The following ACSS3 variants were observed in gnomAD, a reference collection of about 807,000 sequenced individuals.
ACSS3 encodes acyl-CoA synthetase short chain family member 3.
In ACSS3, 64 loss-of-function variants were observed where a neutral mutation model predicts 84.2. That is an observed-to-expected ratio of 0.76 (90% CI 0.62 to 0.94). The LOEUF (loss-of-function observed/expected upper bound fraction) is 0.94, where lower values mean the gene tolerates loss of function less well. Among genes scored for constraint, ACSS3 ranks in the 40% least tolerant of loss-of-function variants. The probability of loss-of-function intolerance (pLI) is 0.00; values close to 1 mark genes in which losing one functional copy is unlikely to be tolerated. For missense variants in ACSS3, 815 were observed against 867.6 expected, an observed-to-expected ratio of 0.94 and a Z score of 0.76; for synonymous variants, 317 against 310.1, an observed-to-expected ratio of 1.02 and a Z score of -0.23.
chr12:81,253,789 A>G, intron 15 of ACSS3, 119 bp downstream of exon 15: 3 of 977,628 alleles, frequency 3.1e-6, no homozygotes, highest in Admixed American at 5.2e-5. Flanking sequence ...AAAACACATA[A>G]TAGTACTATT....
intron 2 of ACSS3, among the ~76,000 whole-genome samples, chr12:81,117,461 C>T (rs1241163527): frequency 6.6e-6 from 1 of 152,002 alleles, no homozygotes; most frequent in African/African-American, 2.4e-5. Context: ...TGAGCATAGA[C>T]TGAAATAAAG....
chr12:81,102,762 G>C (rs1202864765), intron 1 of ACSS3, among the ~76,000 whole-genome samples: 2 of 151,810 alleles, frequency 1.3e-5, no homozygotes, highest in Non-Finnish European at 2.9e-5. Flanking sequence ...CTGGGAGACG[G>C]AGGTTGCAGT....
chr12:81,174,970 T>C (rs1290087368), intron 8 of ACSS3, 31 bp downstream of exon 8: 3 of 1,601,832 alleles, frequency 1.9e-6, no homozygotes, highest in East Asian at 2.2e-5. Flanking sequence ...GCAAATGACA[T>C]TAGAAAGTGC....
At position 81,231,132 on chromosome 12, in the gene ACSS3, A is replaced by T; in HGVS notation, c.1590A>T (p.Lys530Asn). The T allele has an allele frequency of 6.2e-7, 1 of 1,606,750 alleles. No homozygotes were observed. Among genetic ancestry groups the T allele is most frequent in the Non-Finnish European group, 8.5e-7 (1 of 1,175,822 alleles). Residue 530 changes from lysine (K) to asparagine (N), a missense_variant, in exon 12 of 16, where the codon AAA (lysine) becomes AAT (asparagine). Coordinates refer to ENST00000548058, the MANE Select transcript of ACSS3 (RefSeq NM_024560.4). Reference sequence around the variant, plus strand: ...CATTCAAGCATTTATACTTTGAAAAATTTCCTGTAAGAACTTTAATATGCT... The same window carrying T: ...CATTCAAGCATTTATACTTTGAAAATTTTCCTGTAAGAACTTTAATATGCT... ...QEAFKHLYFE[K>N]FPGYYDTMDA...
At chr12:81,245,465 AAAAC>A (rs986915774) in intron 13 of ACSS3, among the ~76,000 whole-genome samples, 4 of 152,206 alleles carry the variant, frequency 2.6e-5, no homozygotes, top group Non-Finnish European at 4.4e-5. Context: ...CTGTCTCAAA[AAAAC>A]AAACAAACAA....
chr12:81,093,707 A>G (rs1450133217), intron 1 of ACSS3, among the ~76,000 whole-genome samples: 2 of 152,066 alleles, frequency 1.3e-5, no homozygotes, highest in African/African-American at 2.4e-5. Flanking sequence ...ATAACATCTT[A>G]CATAACTATA....
intron 7 of ACSS3, among the ~76,000 whole-genome samples, chr12:81,169,780 A>T (rs1283857772): frequency 1.3e-5 from 2 of 152,148 alleles, no homozygotes; most frequent in East Asian, 1.9e-4. Context: ...AAGACACATG[A>T]CCTATAGTAG....
chr12:81,244,584 T>G (rs2033920578), intron 13 of ACSS3, among the ~76,000 whole-genome samples: 1 of 152,178 alleles, frequency 6.6e-6, no homozygotes. Context: ...TCTTTGATTT[T>G]TGGTTTTGGA....
chr12:81,220,584 T>A (rs1290919937), intron 11 of ACSS3, among the ~76,000 whole-genome samples: 1 of 152,006 alleles, frequency 6.6e-6, no homozygotes, highest in Non-Finnish European at 1.5e-5. Context: ...TTTCAACCCT[T>A]GCCTCCCTCC....
At chr12:81,105,891 A>AG (rs1282138232) in intron 1 of ACSS3, among the ~76,000 whole-genome samples, 1 of 152,238 alleles carries the variant, frequency 6.6e-6, no homozygotes, top group Non-Finnish European at 1.5e-5. Context: ...AAACATACAC[A>AG]GGTACACAGG....
intron 7 of ACSS3, 118 bp from the exon 8 acceptor site, chr12:81,174,670 T>C: frequency 9.2e-7 from 1 of 1,090,814 alleles, no homozygotes; most frequent in Non-Finnish European, 1.3e-6. Context: ...ATTTTAAAAC[T>C]AAGATTTGTT....
intron 1 of ACSS3, among the ~76,000 whole-genome samples, chr12:81,088,204 G>C (rs747581497): frequency 6.6e-6 from 1 of 152,050 alleles, no homozygotes; most frequent in Non-Finnish European, 1.5e-5. Flanking sequence ...AAGCAGTTTG[G>C]ATTGCTAAGC....
intron 11 of ACSS3, among the ~76,000 whole-genome samples, chr12:81,220,601 C>A (rs912872120): frequency 3.9e-5 from 6 of 151,966 alleles, no homozygotes; most frequent in African/African-American, 1.4e-4. Flanking sequence ...CTCCCTCACA[C>A]CTTTTGGACT....
chr12:81,181,515 CA>C (rs2030919474), intron 8 of ACSS3, among the ~76,000 whole-genome samples: 1 of 152,158 alleles, frequency 6.6e-6, no homozygotes, highest in Admixed American at 6.5e-5. Flanking sequence ...ACCAAGGGAA[CA>C]TGAGAATTTC....
At chr12:81,151,807 T>A (rs1260209699) in intron 5 of ACSS3, 37 bp from the exon 6 acceptor site, 1 of 1,576,316 alleles carries the variant, frequency 6.3e-7, no homozygotes, top group Admixed American at 1.7e-5. Flanking sequence ...TTTTACACAT[T>A]GTTTATTGAT....
At chr12:81,081,958 CATCA>C (rs1881005981) in intron 1 of ACSS3, among the ~76,000 whole-genome samples, 1 of 152,156 alleles carries the variant, frequency 6.6e-6, no homozygotes, top group Admixed American at 6.5e-5. Context: ...AATTAAAGGA[CATCA>C]ATCATTCACC....
At chr12:81,096,281 TATTAC>T (rs1333553246) in intron 1 of ACSS3, among the ~76,000 whole-genome samples, 2 of 152,186 alleles carry the variant, frequency 1.3e-5, no homozygotes, top group East Asian at 3.9e-4. Flanking sequence ...CAGGAGAGTA[TATTAC>T]ATTTCACATT....
At chr12:81,121,001 G>A (rs1373887231) in intron 2 of ACSS3, among the ~76,000 whole-genome samples, 2 of 152,166 alleles carry the variant, frequency 1.3e-5, no homozygotes, top group Non-Finnish European at 1.5e-5. Flanking sequence ...CACTGTATTT[G>A]TGAATTTTTC....
intron 7 of ACSS3, among the ~76,000 whole-genome samples, chr12:81,172,258 T>TAAAAAAA (rs2030116121): frequency 1.6e-4 from 2 of 12,266 alleles, no homozygotes. Context: ...AGGCTCTGTC[T>TAAAAAAA]CAAAAAAAAA....
Sources: gnomAD v4.1 joint callset for allele counts (sites outside exome capture counted in the v4.1 genomes callset) on GRCh38, gnomAD v4.1.1 for gene constraint, MANE v1.5 for transcripts, NCBI Gene and HGNC (gene_info 2026-07-23, HGNC 2026-07-21) for gene names.